The following ZNF891 variants were observed in gnomAD, a reference collection of about 807,000 sequenced individuals.
The protein encoded by ZNF891 is zinc finger protein 891, also known as hCG1646157.
For missense variants in ZNF891, 589 were observed against 632.7 expected (o/e 0.93, Z 0.74); for synonymous variants, 199 against 209.0 (o/e 0.95, Z 0.41).
Position 133,109,101 on chromosome 12 carries a change from G to A in ZNF891, c.*11183C>T, listed in dbSNP as rs1165085806. ...GGAAGCCAAAAGATTGGACACCTCT[G>A]CTTTAGAGGGAGATGTAACTATCAA... On this transcript the variant is annotated 3_prime_UTR_variant, in exon 2 of 2. Coordinates refer to ENST00000537226, the MANE Select transcript of ZNF891 (RefSeq NM_001277291.2). The A allele has an allele frequency of 6.6e-6, 1 of 152,216 alleles. No homozygotes were observed. The highest frequency in any genetic ancestry group is 1.5e-5 in the Non-Finnish European group (1 of 68,046). The allele number at this position is 152,216 out of a possible 1,614,324, so 9.4% of individuals were successfully genotyped here.
Position 133,105,383 on chromosome 12 carries a change from C to A in ZNF891, c.*14901G>T. On this transcript the variant is annotated 3_prime_UTR_variant, in exon 2 of 2. Transcript: ENST00000537226. ...GGGCATACTACTCAGATTTCAGTCACAGCTGTGAAAGCTGCTATTGATAAG... is the reference window on the plus strand; with the variant it reads ...GGGCATACTACTCAGATTTCAGTCAAAGCTGTGAAAGCTGCTATTGATAAG... 1 of 943,638 alleles carries A rather than the reference C, an allele frequency of 1.1e-6. No homozygotes were observed. Among genetic ancestry groups the A allele is most frequent in the Non-Finnish European group, 1.5e-6 (1 of 647,700 alleles). The allele number at this position is 943,638 out of a possible 1,614,324, so 58.5% of individuals were successfully genotyped here.
At chr12:133,123,164 T>G (rs1955781392) in intron 1 of ZNF891, among the ~76,000 whole-genome samples, 1 of 152,150 alleles carries the variant, frequency 6.6e-6, no homozygotes, top group Non-Finnish European at 1.5e-5. Flanking sequence ...AGAACTGACA[T>G]TTTTATTTAG....
At chr12:133,127,874 AGATTT>A (rs1955832250) in intron 1 of ZNF891, among the ~76,000 whole-genome samples, 1 of 152,252 alleles carries the variant, frequency 6.6e-6, no homozygotes, top group Non-Finnish European at 1.5e-5. Context: ...CATTTTACAT[AGATTT>A]AAGAAAAACT....
At chr12:133,125,162 A>G (rs760429908) in intron 1 of ZNF891, among the ~76,000 whole-genome samples, 66 of 148,264 alleles carry the variant, frequency 4.5e-4, no homozygotes, top group Non-Finnish European at 7.5e-4. Context: ...AACACTGCCT[A>G]TACATTAGTT....
At position 133,120,394 on chromosome 12, in the gene ZNF891, T is replaced by C. The variant is rs1485630464; in HGVS notation, c.1525A>G (p.Ile509Val). The change falls in exon 2 of 2, where the codon ATT becomes GTT. Residue 509 changes from isoleucine (I) to valine (V), a missense_variant. Ile to Val is a conservative substitution (Grantham distance 29). Coordinates refer to ENST00000537226, the MANE Select transcript of ZNF891 (RefSeq NM_001277291.2). ...TCATAGGGTTTCTCTCCAGTGTGAATTCTCACATGCCTCCTAAGGGAAGAG... is the reference window on the plus strand; with the variant it reads ...TCATAGGGTTTCTCTCCAGTGTGAACTCTCACATGCCTCCTAAGGGAAGAG... ...VSSSLRRHVR[I>V]HTGEKPYECI... 6.3e-7 allele frequency: 1 copy of C among 1,598,066 alleles called. No individual in the cohort carries two copies. The highest frequency in any genetic ancestry group is 1.7e-5 in the Admixed American group (1 of 57,594).
chr12:133,128,994 A>G (rs1403288645), intron 1 of ZNF891, among the ~76,000 whole-genome samples: 1 of 152,034 alleles, frequency 6.6e-6, no homozygotes, highest in Non-Finnish European at 1.5e-5. Context: ...GGCCTAGATA[A>G]TTAGGTTCAA....
At chr12:133,125,149 C>A (rs745548883) in intron 1 of ZNF891, among the ~76,000 whole-genome samples, 33 of 151,826 alleles carry the variant, frequency 2.2e-4, no homozygotes, top group African/African-American at 5.3e-4. Flanking sequence ...ACGGAAAAAT[C>A]TGAACACTGC....
In ZNF891 at chr12:133,120,820, C is replaced by T. The variant is rs1441024467; in HGVS notation, c.1099G>A (p.Val367Ile). ...GGTTTCTCTCCAGTGTGAGTTCTTACATGTCTCCTTAAGGTTGAGGAATCA... is the reference window on the plus strand; with the variant it reads ...GGTTTCTCTCCAGTGTGAGTTCTTATATGTCTCCTTAAGGTTGAGGAATCA... The part of the protein sequence containing the change: ...FNDSSTLRRH[V>I]RTHTGEKPYE... Residue 367 changes from valine (V) to isoleucine (I), a missense_variant, in exon 2 of 2, where the codon GTA (valine) becomes ATA (isoleucine). Transcript: ENST00000537226. 2 of 1,564,770 alleles carry T rather than the reference C, an allele frequency of 1.3e-6. No individual in the cohort carries two copies. The highest frequency in any genetic ancestry group is 8.6e-7 in the Non-Finnish European group (1 of 1,156,432).
In ZNF891 at chr12:133,120,451, A is replaced by G. The variant is rs1342327634; in HGVS notation, c.1468T>C (p.Cys490Arg). The G allele has an allele frequency of 2.5e-6, 4 of 1,605,320 alleles. No homozygotes were observed. Among genetic ancestry groups the G allele is most frequent in the Non-Finnish European group, 3.4e-6 (4 of 1,176,368 alleles). ...RTHTGEKPYE[C>R]KECRKAFSVS... ...CTGAAGGCTTTCCTACATTCCTTAC[A>G]TTCATAGGGTTTCTCTCCAGTGTGA... The change falls in exon 2 of 2, where the codon TGT becomes CGT. Residue 490 changes from cysteine (C) to arginine (R), a missense_variant. Coordinates refer to ENST00000537226, the MANE Select transcript of ZNF891 (RefSeq NM_001277291.2).
At position 133,115,603 on chromosome 12, in the gene ZNF891, C is replaced by A. The variant is rs1466624539; in HGVS notation, c.*4681G>T. The stretch of plus-strand genomic sequence containing the variant: ...CATGTATTAGTTTTATTATTAAAAA[C>A]CACAAAGTTTTTGTTTTGTTTTGTT... On this transcript the variant is annotated 3_prime_UTR_variant, in exon 2 of 2. Transcript: ENST00000537226. 6.6e-6 allele frequency: 1 copy of A among 152,052 alleles called. No individual in the cohort carries two copies. The highest frequency in any genetic ancestry group is 1.9e-4 in the East Asian group (1 of 5,198). The allele number at this position is 152,052 out of a possible 1,614,324, so 9.4% of individuals were successfully genotyped here.
At chr12:133,123,751 AACAAC>A (rs1043724629) in intron 1 of ZNF891, among the ~76,000 whole-genome samples, 31 of 103,064 alleles carry the variant, frequency 3.0e-4, no homozygotes, top group African/African-American at 8.7e-4. Context: ...CAACAACAAC[AACAAC>A]AACAAAGTTA....
Position 133,120,975 on chromosome 12 carries a change from T to C in ZNF891, c.944A>G (p.His315Arg). 1 of 1,535,636 alleles carries C rather than the reference T, an allele frequency of 6.5e-7. No homozygotes were observed. The highest frequency in any genetic ancestry group is 8.7e-7 in the Non-Finnish European group (1 of 1,146,690). Residue 315 changes from histidine to arginine, a missense_variant, in exon 2 of 2, where the codon CAT becomes CGT. Transcript: ENST00000537226. ...ATTGCATTCATGTTTCTTTTCAGTA[T>C]GAGTTTGTCCTTGTTTCTTAAGGGA... ...QSSLKKQGQT[H>R]TEKKHECNQC...
At position 133,106,142 on chromosome 12, in the gene ZNF891, A is replaced by G; in HGVS notation, c.*14142T>C. 1 of 1,614,182 alleles carries G rather than the reference A, an allele frequency of 6.2e-7. No individual in the cohort carries two copies. The highest frequency in any genetic ancestry group is 1.1e-5 in the South Asian group (1 of 91,088). On this transcript the variant is annotated 3_prime_UTR_variant, in exon 2 of 2. Coordinates refer to ENST00000537226, the MANE Select transcript of ZNF891 (RefSeq NM_001277291.2). The stretch of plus-strand genomic sequence containing the variant: ...AGCATTTAGCAGTGGCTCAGAACTC[A>G]TTCGCCACCAGATTACACATACTGG...
chr12:133,109,591 CTG>C lies in ZNF891; in HGVS notation c.*10691_*10692del, dbSNP rs1232137196. 1.3e-5 allele frequency: 2 copies of C among 152,166 alleles called. No homozygotes were observed. Among genetic ancestry groups the C allele is most frequent in the Admixed American group, 6.6e-5 (1 of 15,264 alleles). The allele number at this position is 152,166 out of a possible 1,614,324, so 9.4% of individuals were successfully genotyped here. A position where few individuals can be genotyped will look rare whatever the true frequency, so the allele number is the denominator to read the frequency against. On this transcript the variant is annotated 3_prime_UTR_variant, in exon 2 of 2. Transcript: ENST00000537226. ...GGGGGACGGGGGGCTCATATGTACACTGTGAAAAACTGCTAACCTCTTTTCAT... is the reference window on the plus strand; with the variant it reads ...GGGGGACGGGGGGCTCATATGTACACTGAAAAACTGCTAACCTCTTTTCAT...
rs1042248714 is a variant in ZNF891 at position 133,119,536 on chromosome 12, C to A, written c.*748G>T. On this transcript the variant is annotated 3_prime_UTR_variant, in exon 2 of 2. Transcript: ENST00000537226. ...CCAGCCTGGGCAACATACCGAGACTCCATCTCAAAAAACAAACAAAAAACC... is the reference window on the plus strand; with the variant it reads ...CCAGCCTGGGCAACATACCGAGACTACATCTCAAAAAACAAACAAAAAACC... 6.6e-6 allele frequency: 1 copy of A among 150,678 alleles called. No homozygotes were observed. Among genetic ancestry groups the A allele is most frequent in the Non-Finnish European group, 1.5e-5 (1 of 67,382 alleles). 9.3% of individuals were successfully genotyped at this position (150,678 alleles called of 1,614,324 possible).
rs1162727322 is a variant in ZNF891, at chr12:133,105,062, C to CT, written c.*15221dup. On this transcript the variant is annotated 3_prime_UTR_variant, in exon 2 of 2. Coordinates refer to ENST00000537226, the MANE Select transcript of ZNF891 (RefSeq NM_001277291.2). ...CATAGGCAAGTTTTCAGAGAAACCG[C>CT]TTTTTTTTTCATTTAGATTATTATA... Among the ~76,000 whole-genome samples, 22 of 151,426 alleles carry CT rather than the reference C, an allele frequency of 1.5e-4. No homozygotes were observed. The East Asian group carries it at 2.1e-3, about 15-fold the overall frequency.
rs1484304132 is a variant in ZNF891 at position 133,110,331 on chromosome 12, G to A, written c.*9953C>T. On this transcript the variant is annotated 3_prime_UTR_variant, in exon 2 of 2. Coordinates refer to ENST00000537226, the MANE Select transcript of ZNF891 (RefSeq NM_001277291.2). ...GACTGGTTAAGTGTGTTCTATTTGGGGAAATTCATAAAGCTGCATGCCTTT... is the reference window on the plus strand; with the variant it reads ...GACTGGTTAAGTGTGTTCTATTTGGAGAAATTCATAAAGCTGCATGCCTTT... 1 of 152,088 alleles carries A rather than the reference G, an allele frequency of 6.6e-6. No homozygotes were observed. Among genetic ancestry groups the A allele is most frequent in the Non-Finnish European group, 1.5e-5 (1 of 68,024 alleles). 9.4% of individuals were successfully genotyped at this position (152,088 alleles called of 1,614,324 possible).
intron 1 of ZNF891, among the ~76,000 whole-genome samples, chr12:133,129,683 A>G (rs1238851601): frequency 1.3e-5 from 2 of 152,172 alleles, no homozygotes; most frequent in South Asian, 2.1e-4. Context: ...TCTTGTTAGT[A>G]TAACGGGCAA....
At chr12:133,127,399 G>C (rs1447657947) in intron 1 of ZNF891, among the ~76,000 whole-genome samples, 1 of 152,130 alleles carries the variant, frequency 6.6e-6, no homozygotes, top group Non-Finnish European at 1.5e-5. Context: ...ATGATAAACA[G>C]ATTACACATA....
Sources: allele counts gnomAD v4.1 joint callset (sites outside exome capture counted in the v4.1 genomes callset), GRCh38; gene constraint gnomAD v4.1.1; transcripts MANE v1.5; gene names NCBI Gene and HGNC (gene_info 2026-07-23, HGNC 2026-07-21).